The following STK3 variants were observed in gnomAD, a reference collection of about 807,000 sequenced individuals.
STK3 encodes serine/threonine-protein kinase 3.
A neutral mutation model predicts 58.0 loss-of-function variants in STK3; 41 were observed. The observed-to-expected ratio is 0.71, with a 90% CI of 0.55 to 0.92. The LOEUF (loss-of-function observed/expected upper bound fraction) is 0.92, where lower values mean the gene tolerates loss of function less well. STK3 is among the 40% of genes least tolerant of loss of function. The pLI, the probability that STK3 is intolerant of heterozygous loss-of-function variation, is 0.00. For synonymous variants in STK3, 170 were observed against 191.0 expected, an observed-to-expected ratio of 0.89 and a Z score of 0.91; for missense variants, 479 against 602.7, an observed-to-expected ratio of 0.79 and a Z score of 2.15.
chr8:98,656,315 T>C (rs1034210431), intron 6 of STK3, among the ~76,000 whole-genome samples: 25 of 151,210 alleles, frequency 1.7e-4, no homozygotes, highest in African/African-American at 6.1e-4. Flanking sequence ...AAGGGGAACA[T>C]CACACTCTGG....
chr8:98,404,708 G>A (rs901259970), intron 3 of STK3, among the ~76,000 whole-genome samples: 15 of 138,720 alleles, frequency 1.1e-4, no homozygotes, highest in African/African-American at 3.6e-4. Context: ...AAATTTAGCT[G>A]GGTATGGTGG....
chr8:98,485,976 A>C (rs1284632717), intron 10 of STK3, among the ~76,000 whole-genome samples: 1 of 152,240 alleles, frequency 6.6e-6, no homozygotes, highest in Non-Finnish European at 1.5e-5. Flanking sequence ...TCCAAAGAAG[A>C]GGTAATGTTG....
At chr8:98,843,377 G>A (rs1836070713) in intron 3 of STK3, among the ~76,000 whole-genome samples, 1 of 152,164 alleles carries the variant, frequency 6.6e-6, no homozygotes, top group African/African-American at 2.4e-5. Flanking sequence ...TGAGTTGGTG[G>A]CTCAGTACTG....
At chr8:98,620,718 A>G (rs1164298920) in intron 6 of STK3, among the ~76,000 whole-genome samples, 2 of 151,706 alleles carry the variant, frequency 1.3e-5, no homozygotes, top group African/African-American at 4.8e-5. Context: ...AAATATGAAA[A>G]AAGTTAAAAA....
intron 10 of STK3, among the ~76,000 whole-genome samples, chr8:98,488,597 G>A (rs753272411): frequency 2.6e-5 from 4 of 152,116 alleles, no homozygotes; most frequent in African/African-American, 7.2e-5. Flanking sequence ...CTAATTTCCC[G>A]TATTTGGGTA....
intron 1 of STK3, among the ~76,000 whole-genome samples, chr8:98,911,837 A>C (rs1002430565): frequency 6.9e-6 from 1 of 145,650 alleles, no homozygotes; most frequent in East Asian, 1.9e-4. Context: ...AAAACTAATA[A>C]AATAAAAAAT....
intron 1 of STK3, among the ~76,000 whole-genome samples, chr8:98,779,574 G>A (rs942395005): frequency 3.9e-5 from 6 of 152,118 alleles, no homozygotes; most frequent in African/African-American, 1.4e-4. Flanking sequence ...GTATAAGGTA[G>A]ATACAAAAAT....
chr8:98,603,640 T>A (rs1224787651), intron 6 of STK3, among the ~76,000 whole-genome samples: 1 of 152,148 alleles, frequency 6.6e-6, no homozygotes, highest in East Asian at 1.9e-4. Flanking sequence ...GCACCCTCAA[T>A]GTAATTTAAT....
chr8:98,429,013 TGGTGGC>T (rs751332355), intron 3 of STK3: 1 of 1,614,100 alleles, frequency 6.2e-7, no homozygotes, highest in Non-Finnish European at 8.5e-7. Flanking sequence ...ATCTTCTCCG[TGGTGGC>T]CTACACCATT....
At chr8:98,840,149 C>G (rs911932536) in intron 3 of STK3, among the ~76,000 whole-genome samples, 1 of 151,936 alleles carries the variant, frequency 6.6e-6, no homozygotes, top group African/African-American at 2.4e-5. Context: ...GAGTTCAAGA[C>G]CAGCCTGGCC....
At chr8:98,746,545 C>T (rs531231161) in intron 4 of STK3, among the ~76,000 whole-genome samples, 263 of 151,956 alleles carry the variant, frequency 1.7e-3, no homozygotes, top group Middle Eastern at 3.4e-3. Flanking sequence ...CCCAGGAGGC[C>T]GGGGCTATAG....
chr8:98,779,691 C>A (rs568918946), intron 1 of STK3, among the ~76,000 whole-genome samples: 8 of 152,256 alleles, frequency 5.3e-5, no homozygotes, highest in African/African-American at 1.9e-4. Context: ...CATTTATGGT[C>A]CCAAGCATCT....
At chr8:98,618,489 A>G (rs902963329) in intron 6 of STK3, among the ~76,000 whole-genome samples, 1 of 151,782 alleles carries the variant, frequency 6.6e-6, no homozygotes, top group African/African-American at 2.4e-5. Context: ...GAAGGAAATA[A>G]AGGGTATTCA....
chr8:98,645,476 C>T lies in STK3; in HGVS notation c.685-49307G>A, dbSNP rs955381307. Among the ~76,000 whole-genome samples the T allele has an allele frequency of 9.9e-5, 15 of 152,214 alleles. No individual in the cohort carries two copies. In the East Asian group the frequency reaches 1.2e-3, roughly 12 times the overall value. On this transcript the variant is annotated intron_variant, in intron 6 of 10. Coordinates refer to ENST00000419617, the MANE Select transcript of STK3 (RefSeq NM_006281.4). Reference sequence around the variant, plus strand: ...GTATATAAAGTTGCTATAGGCTAAACGGCACATTTTATATTAGACACCCTT... The same window carrying T: ...GTATATAAAGTTGCTATAGGCTAAATGGCACATTTTATATTAGACACCCTT...
At chr8:98,650,518 G>A (rs754661873) in intron 6 of STK3, among the ~76,000 whole-genome samples, 4 of 152,372 alleles carry the variant, frequency 2.6e-5, no homozygotes, top group South Asian at 2.1e-4. Context: ...CACCATGCGC[G>A]AGCCAAAGCA....
At chr8:98,799,763 C>T (rs1833398179) in intron 1 of STK3, among the ~76,000 whole-genome samples, 1 of 152,142 alleles carries the variant, frequency 6.6e-6, no homozygotes, top group Admixed American at 6.5e-5. Flanking sequence ...ACCGGAAGAG[C>T]CAGTTTATCT....
At chr8:98,705,165 A>G (rs1272346683) in intron 6 of STK3, among the ~76,000 whole-genome samples, 1 of 152,224 alleles carries the variant, frequency 6.6e-6, no homozygotes, top group Admixed American at 6.5e-5. Context: ...ACACTGCTGT[A>G]ATCCCAGCAC....
At chr8:98,935,131 A>G (rs1025760714) in intron 1 of STK3, among the ~76,000 whole-genome samples, 1 of 147,058 alleles carries the variant, frequency 6.8e-6, no homozygotes, top group African/African-American at 2.6e-5. Flanking sequence ...ATGCCTGGTG[A>G]CTAGGTTCTG....
intron 3 of STK3, chr8:98,875,480 C>T (rs942874968): frequency 4.9e-4 from 74 of 152,218 alleles, no homozygotes; most frequent in African/African-American, 1.7e-3. Flanking sequence ...ACACAAGCAT[C>T]TAATTCACAT....
Sources: allele counts gnomAD v4.1 joint callset (sites outside exome capture counted in the v4.1 genomes callset), GRCh38; gene constraint gnomAD v4.1.1; transcripts MANE v1.5; gene names NCBI Gene and HGNC (gene_info 2026-07-23, HGNC 2026-07-21).